OSBPL8: variants seen among roughly 807,000 people sequenced by gnomAD.
OSBPL8 encodes the protein oxysterol-binding protein-related protein 8.
Under a neutral mutation model 125.5 loss-of-function variants are expected in OSBPL8, and 59 were observed. That is an observed-to-expected ratio of 0.47 (90% CI 0.38 to 0.58). The LOEUF (loss-of-function observed/expected upper bound fraction) is 0.58, where lower values mean the gene tolerates loss of function less well. OSBPL8 is among the 20% of genes least tolerant of loss of function. OSBPL8 has a pLI of 0.00. For missense variants in OSBPL8, 758 were observed against 1,047.8 expected (o/e 0.72, Z 3.82); for synonymous variants, 330 against 338.9 (o/e 0.97, Z 0.29).
intron 13 of OSBPL8, 135 bp from the exon 14 acceptor site, chr12:76,386,401 TTAAA>T: frequency 1.5e-6 from 2 of 1,334,438 alleles, no homozygotes; most frequent in Non-Finnish European, 2.0e-6. Context: ...AAAATTTACA[TTAAA>T]TAAAATTAAA....
intron 1 of OSBPL8, among the ~76,000 whole-genome samples, chr12:76,488,121 A>G (rs768677916): frequency 3.9e-5 from 6 of 152,222 alleles, no homozygotes; most frequent in Non-Finnish European, 8.8e-5. Flanking sequence ...AAATATATAA[A>G]CAATTCCAAC....
chr12:76,496,789 G>A (rs1309799144), intron 1 of OSBPL8, among the ~76,000 whole-genome samples: 7 of 152,042 alleles, frequency 4.6e-5, no homozygotes, highest in African/African-American at 1.7e-4. Context: ...TGATCCACCC[G>A]CCTCAACCTC....
rs71082306 is a variant in OSBPL8 at position 76,408,461 on chromosome 12, C to CA, written c.288+2102dup. Among the ~76,000 whole-genome samples, 43 of 73,242 alleles carry CA rather than the reference C, an allele frequency of 5.9e-4. 2 individuals carry two copies. Among genetic ancestry groups the CA allele is most frequent in the Admixed American group, 1.4e-3 (9 of 6,422 alleles). The allele number at this position is 73,242 out of a possible 152,430, so 48.0% of individuals were successfully genotyped here. A position where few individuals can be genotyped will look rare whatever the true frequency, so the allele number is the denominator to read the frequency against. ...TGGGTGACAGAGCGAGACTCCTTCT[C>CA]AAAAAAAAAAAAAAAAAAAAAAGTA... On this transcript the variant is annotated intron_variant, in intron 5 of 23. Transcript: ENST00000261183.
Position 76,474,069 on chromosome 12 carries a change from A to G in OSBPL8, c.42+13441T>C, listed in dbSNP as rs180842768. 1.0e-3 allele frequency among the ~76,000 whole-genome samples: 156 copies of G among 152,320 alleles called. No individual in the cohort carries two copies. The Middle Eastern group carries it at 0.017, about 17-fold the overall frequency. ...GTTTTACCCATAAGACCTAAATAAA[A>G]CCTGCTCTAAACACAGTATAGGCAT... On this transcript the variant is annotated intron_variant, in intron 2 of 23. Transcript: ENST00000261183.
intron 5 of OSBPL8, among the ~76,000 whole-genome samples, chr12:76,405,173 C>T (rs1954205120): frequency 6.6e-6 from 1 of 152,028 alleles, no homozygotes; most frequent in African/African-American, 2.4e-5. Flanking sequence ...AAGGAGAAAT[C>T]TGTGGCCGGG....
intron 1 of OSBPL8, among the ~76,000 whole-genome samples, chr12:76,552,968 C>G (rs55720905): frequency 0.046 from 7,061 of 152,224 alleles, 591 homozygotes; most frequent in African/African-American, 0.16. Flanking sequence ...TTCTTTACTT[C>G]CAAATTGCTG....
chr12:76,433,199 T>G (rs1459674927), intron 4 of OSBPL8, among the ~76,000 whole-genome samples: 1 of 152,120 alleles, frequency 6.6e-6, no homozygotes, highest in Non-Finnish European at 1.5e-5. Context: ...ACCACTTCCA[T>G]TCAACCTAGC....
chr12:76,493,499 AT>A (rs1422164412), intron 1 of OSBPL8, among the ~76,000 whole-genome samples: 6 of 152,150 alleles, frequency 3.9e-5, no homozygotes, highest in African/African-American at 1.4e-4. Flanking sequence ...CAGATAAAGT[AT>A]TCTTGGTTTA....
At chr12:76,523,757 A>C (rs1950086738) in intron 1 of OSBPL8, among the ~76,000 whole-genome samples, 1 of 152,196 alleles carries the variant, frequency 6.6e-6, no homozygotes. Flanking sequence ...CAGCCCCCAG[A>C]ACTGTAGAAA....
At position 76,354,822 on chromosome 12, in the gene OSBPL8, A is replaced by G. The variant is rs1409288273; in HGVS notation, c.*1067T>C. On this transcript the variant is annotated 3_prime_UTR_variant, in exon 24 of 24. Transcript: ENST00000261183. ...TCAGAACTTGATACTCTTCGTAGAT[A>G]CTCAACTTATTACACGTTTTACAGA... 6.6e-6 allele frequency: 1 copy of G among 152,138 alleles called. No individual in the cohort carries two copies. Among genetic ancestry groups the G allele is most frequent in the Non-Finnish European group, 1.5e-5 (1 of 67,856 alleles). The allele number at this position is 152,138 out of a possible 1,614,324, so 9.4% of individuals were successfully genotyped here.
At chr12:76,414,970 C>T (rs376009902) in intron 4 of OSBPL8, among the ~76,000 whole-genome samples, 14 of 152,240 alleles carry the variant, frequency 9.2e-5, no homozygotes, top group African/African-American at 2.9e-4. Flanking sequence ...TTAGTCATAA[C>T]GCATTGTCCT....
chr12:76,500,922 G>A (rs1342461133), intron 1 of OSBPL8, among the ~76,000 whole-genome samples: 1 of 152,148 alleles, frequency 6.6e-6, no homozygotes, highest in Non-Finnish European at 1.5e-5. Context: ...TGAATTTACT[G>A]ACATATAAGC....
At chr12:76,506,067 T>C (rs1271658467) in intron 1 of OSBPL8, among the ~76,000 whole-genome samples, 1 of 152,246 alleles carries the variant, frequency 6.6e-6, no homozygotes, top group East Asian at 1.9e-4. Flanking sequence ...TGCCAAATTC[T>C]TTCTATACTT....
chr12:76,473,022 C>G (rs1035182017), intron 2 of OSBPL8, among the ~76,000 whole-genome samples: 1 of 152,062 alleles, frequency 6.6e-6, no homozygotes, highest in Non-Finnish European at 1.5e-5. Flanking sequence ...TGCTTGGCAA[C>G]GGGCGTCTTT....
intron 1 of OSBPL8, among the ~76,000 whole-genome samples, chr12:76,547,305 G>T (rs997992119): frequency 6.6e-6 from 1 of 152,080 alleles, no homozygotes; most frequent in Non-Finnish European, 1.5e-5. Flanking sequence ...ATTTACCCAG[G>T]TTAATTTACA....
At chr12:76,531,306 C>T (rs1484920789) in intron 1 of OSBPL8, among the ~76,000 whole-genome samples, 6 of 152,202 alleles carry the variant, frequency 3.9e-5, no homozygotes, top group Non-Finnish European at 8.8e-5. Flanking sequence ...ACTTAAGTGA[C>T]ACCATTCTCC....
At chr12:76,389,557 G>T (rs1300962153) in intron 12 of OSBPL8, 88 bp downstream of exon 12, 10 of 1,119,958 alleles carry the variant, frequency 8.9e-6, no homozygotes, top group Non-Finnish European at 1.2e-5. Context: ...GCCTGATTTT[G>T]GAAACAAACG....
intron 5 of OSBPL8, 67 bp downstream of exon 5, chr12:76,410,497 G>C: frequency 8.6e-7 from 1 of 1,162,684 alleles, no homozygotes; most frequent in Non-Finnish European, 1.3e-6. Context: ...TAGGATTTCA[G>C]TGTTAGTTCC....
intron 2 of OSBPL8, among the ~76,000 whole-genome samples, chr12:76,473,992 T>C (rs138242046): frequency 1.5e-4 from 23 of 152,310 alleles, no homozygotes; most frequent in Non-Finnish European, 1.5e-5. Context: ...CATTAGTCAT[T>C]ATTCATTTCT....
Sources: gnomAD v4.1 joint callset for allele counts (sites outside exome capture counted in the v4.1 genomes callset) on GRCh38, gnomAD v4.1.1 for gene constraint, MANE v1.5 for transcripts, NCBI Gene and HGNC (gene_info 2026-07-23, HGNC 2026-07-21) for gene names.